LRRC40: variants seen among roughly 807,000 people sequenced by gnomAD.
The protein encoded by LRRC40 is leucine-rich repeat-containing protein 40.
In LRRC40, 76 loss-of-function variants were observed where a neutral mutation model predicts 72.8. The observed-to-expected ratio is 1.04, with a 90% CI of 0.87 to 1.26. The LOEUF (loss-of-function observed/expected upper bound fraction) is 1.26, where lower values mean the gene tolerates loss of function less well. LRRC40 is among the 50% of genes most tolerant of loss of function. The probability of loss-of-function intolerance (pLI) is 0.00; values close to 1 mark genes in which losing one functional copy is unlikely to be tolerated. For missense variants in LRRC40, 684 were observed against 698.9 expected, an observed-to-expected ratio of 0.98 and a Z score of 0.24; for synonymous variants, 243 against 254.2, an observed-to-expected ratio of 0.96 and a Z score of 0.42.
intron 6 of LRRC40, among the ~76,000 whole-genome samples, chr1:70,177,995 ATTC>A (rs1250459230): frequency 1.3e-5 from 2 of 152,222 alleles, no homozygotes; most frequent in African/African-American, 2.4e-5. Context: ...TCTTAATAAG[ATTC>A]TTTTCTCTAG....
intron 13 of LRRC40, among the ~76,000 whole-genome samples, 198 bp from the exon 14 acceptor site, chr1:70,148,870 A>G (rs963045660): frequency 6.6e-6 from 1 of 152,194 alleles, no homozygotes; most frequent in Non-Finnish European, 1.5e-5. Flanking sequence ...ATACATGTTA[A>G]ACAGACAGAC....
intron 10 of LRRC40, among the ~76,000 whole-genome samples, chr1:70,158,388 T>G (rs975392096): frequency 2.6e-5 from 4 of 152,034 alleles, no homozygotes; most frequent in Admixed American, 6.6e-5. Context: ...ATAAATCTAG[T>G]CACCTATCTG....
chr1:70,187,491 A>T (rs1247609630), intron 2 of LRRC40, among the ~76,000 whole-genome samples, 153 bp from the exon 3 acceptor site: 4 of 152,096 alleles, frequency 2.6e-5, no homozygotes, highest in Non-Finnish European at 5.9e-5. Flanking sequence ...CTTGTTCTGT[A>T]TGTAGAACAG....
chr1:70,168,381 A>G (rs1667932429), intron 9 of LRRC40, among the ~76,000 whole-genome samples: 1 of 152,176 alleles, frequency 6.6e-6, no homozygotes, highest in Non-Finnish European at 1.5e-5. Context: ...ACCTAAGTCT[A>G]TTGCTGACTC....
chr1:70,176,463 C>T (rs1234018302), intron 6 of LRRC40, among the ~76,000 whole-genome samples: 15 of 133,840 alleles, frequency 1.1e-4, no homozygotes, highest in African/African-American at 3.6e-4. Flanking sequence ...ACCCAGGAGG[C>T]GGAGGTTGCA....
At chr1:70,165,971 A>C (rs887326248) in intron 9 of LRRC40, among the ~76,000 whole-genome samples, 5 of 152,216 alleles carry the variant, frequency 3.3e-5, no homozygotes, top group Admixed American at 3.3e-4. Context: ...TTTGATAAGG[A>C]AAAAGTCTTG....
intron 1 of LRRC40, among the ~76,000 whole-genome samples, chr1:70,199,102 G>A (rs1026615399): frequency 6.6e-6 from 1 of 152,026 alleles, no homozygotes; most frequent in South Asian, 2.1e-4. Context: ...GCAGTGAGCC[G>A]TGATCTCACC....
intron 13 of LRRC40, among the ~76,000 whole-genome samples, chr1:70,150,436 T>C (rs1047968205): frequency 7.9e-5 from 12 of 152,208 alleles, no homozygotes; most frequent in African/African-American, 2.9e-4. Flanking sequence ...TGTAGGGTTC[T>C]TGTAAGCCTG....
intron 1 of LRRC40, among the ~76,000 whole-genome samples, chr1:70,201,712 C>T (rs1325466911): frequency 1.3e-5 from 2 of 152,148 alleles, no homozygotes; most frequent in African/African-American, 4.8e-5. Context: ...GGGGCTCACG[C>T]CTGTAATCCC....
At chr1:70,153,158 C>T (rs1184368137) in intron 11 of LRRC40, among the ~76,000 whole-genome samples, 4 of 151,944 alleles carry the variant, frequency 2.6e-5, no homozygotes, top group Non-Finnish European at 5.9e-5. Flanking sequence ...GTCAGGAGTT[C>T]AAGACCAGCT....
At chr1:70,158,216 G>T (rs978435579) in intron 10 of LRRC40, among the ~76,000 whole-genome samples, 1 of 151,042 alleles carries the variant, frequency 6.6e-6, no homozygotes, top group Non-Finnish European at 1.5e-5. Context: ...ACTTAGCTTA[G>T]AGTAGTGATT....
At chr1:70,156,446 T>C (rs563420508) in intron 10 of LRRC40, among the ~76,000 whole-genome samples, 1 of 152,270 alleles carries the variant, frequency 6.6e-6, no homozygotes, top group African/African-American at 2.4e-5. Flanking sequence ...TTCTGTGACA[T>C]TAGAATCTGA....
At chr1:70,196,500 T>C (rs1172361669) in intron 1 of LRRC40, among the ~76,000 whole-genome samples, 1 of 151,918 alleles carries the variant, frequency 6.6e-6, no homozygotes, top group East Asian at 1.9e-4. Flanking sequence ...CAGTGAGCTA[T>C]GACTGTGCCA....
intron 9 of LRRC40, among the ~76,000 whole-genome samples, chr1:70,165,341 C>T (rs1307643265): frequency 6.6e-6 from 1 of 152,164 alleles, no homozygotes; most frequent in Non-Finnish European, 1.5e-5. Context: ...TTAATCACAA[C>T]CAAAACTTAA....
Position 70,189,125 on chromosome 1 carries a change from G to C in LRRC40, c.300C>G (p.Asp100Glu). Residue 100 changes from aspartate (D) to glutamate (E), a missense_variant, in exon 2 of 15, where the codon GAC becomes GAG. Coordinates refer to ENST00000370952, the MANE Select transcript of LRRC40 (RefSeq NM_017768.5). ...SNNKLQSLTD[D>E]LRLLPALTVL... Reference sequence around the variant, plus strand: ...CAGTCAGTGCAGGCAAGAGTCGCAGGTCATCTGTAAGTGACTGAAGTTTAT... The same window carrying C: ...CAGTCAGTGCAGGCAAGAGTCGCAGCTCATCTGTAAGTGACTGAAGTTTAT... The C allele has an allele frequency of 1.2e-6, 2 of 1,613,586 alleles. No homozygotes were observed. The highest frequency in any genetic ancestry group is 1.7e-6 in the Non-Finnish European group (2 of 1,179,874).
chr1:70,166,973 G>C (rs1399622196), intron 9 of LRRC40, among the ~76,000 whole-genome samples: 7 of 151,988 alleles, frequency 4.6e-5, no homozygotes, highest in Middle Eastern at 3.2e-3. Flanking sequence ...AGGGATGAAA[G>C]ATAAAAGAGC....
In LRRC40 at chr1:70,181,094, C is replaced by G. The variant is rs1446472719; in HGVS notation, c.653G>C (p.Arg218Thr). ...ELKSLPAEIN[R>T]MKRLKHLDCN... ...AAACAGAAAATATTTACTTTTCATT[C>G]TATTTATTTCTGCTGGCAAACTCTT... Residue 218 changes from arginine to threonine, a missense_variant, in exon 5 of 15, where the codon AGA becomes ACA. Physicochemically the swap from Arg to Thr is moderately conservative, Grantham distance 71. Coordinates refer to ENST00000370952, the MANE Select transcript of LRRC40 (RefSeq NM_017768.5). The G allele has an allele frequency of 1.3e-6, 2 of 1,518,862 alleles. No individual in the cohort carries two copies. Among genetic ancestry groups the G allele is most frequent in the East Asian group, 4.6e-5 (2 of 43,656 alleles). 94.1% of individuals were successfully genotyped at this position (1,518,862 alleles called of 1,614,324 possible).
At chr1:70,196,394 A>C (rs1276241835) in intron 1 of LRRC40, among the ~76,000 whole-genome samples, 1 of 152,106 alleles carries the variant, frequency 6.6e-6, no homozygotes, top group East Asian at 1.9e-4. Context: ...TATTAAAAAC[A>C]AAAAAATTAG....
chr1:70,183,273 G>T (rs1668285658), intron 4 of LRRC40, among the ~76,000 whole-genome samples: 1 of 152,006 alleles, frequency 6.6e-6, no homozygotes, highest in African/African-American at 2.4e-5. Context: ...ATGTAAGAGG[G>T]AAAAGAATAA....
Sources: allele counts gnomAD v4.1 joint callset (sites outside exome capture counted in the v4.1 genomes callset), GRCh38; gene constraint gnomAD v4.1.1; transcripts MANE v1.5; gene names NCBI Gene and HGNC (gene_info 2026-07-23, HGNC 2026-07-21).